Variants in PRELID2 observed in about 807,000 individuals in gnomAD.
PRELID2 encodes the protein PRELI domain containing 2, also known as PRELI domain-containing protein 2.
Under a neutral mutation model 28.4 loss-of-function variants are expected in PRELID2, and 25 were observed. The ratio of observed to expected loss-of-function variants is 0.88; its 90% CI spans 0.64 to 1.23. The LOEUF (loss-of-function observed/expected upper bound fraction) is 1.23. Among genes scored for constraint, PRELID2 ranks in the 50% most tolerant of loss-of-function variants. The pLI is 0.00. For missense variants in PRELID2, 201 were observed against 214.4 expected (o/e 0.94, Z 0.39); for synonymous variants, 76 against 71.6 (o/e 1.06, Z -0.31).
chr5:145,813,582 A>C (rs1581254584), intron 4 of PRELID2, among the ~76,000 whole-genome samples: 1 of 152,190 alleles, frequency 6.6e-6, no homozygotes, highest in East Asian at 1.9e-4. Flanking sequence ...GGAGTCTACA[A>C]TATCTGCATT....
At chr5:145,499,298 G>A (rs1218569603) in intron 1 of PRELID2, among the ~76,000 whole-genome samples, 1 of 152,256 alleles carries the variant, frequency 6.6e-6, no homozygotes, top group South Asian at 2.1e-4. Flanking sequence ...ATATCTGCAT[G>A]TTTATTTCTG....
At chr5:145,670,474 C>T (rs1205762433) in intron 1 of PRELID2, among the ~76,000 whole-genome samples, 1 of 152,164 alleles carries the variant, frequency 6.6e-6, no homozygotes, top group Non-Finnish European at 1.5e-5. Flanking sequence ...AACCATATCA[C>T]CCATGAAGGC....
chr5:145,699,150 T>C (rs1755350262), intron 1 of PRELID2, among the ~76,000 whole-genome samples: 1 of 152,160 alleles, frequency 6.6e-6, no homozygotes, highest in East Asian at 1.9e-4. Flanking sequence ...CTAAGAAAGA[T>C]AGTAACAGCG....
chr5:145,502,233 A>AAG (rs146035440), intron 1 of PRELID2, among the ~76,000 whole-genome samples: 1 of 151,006 alleles, frequency 6.6e-6, no homozygotes, highest in African/African-American at 2.4e-5. Flanking sequence ...GAGCAGGAGG[A>AAG]AGAGAGAGAG....
the PRELID2 span, among the ~76,000 whole-genome samples, chr5:145,466,061 G>A: frequency 6.6e-6 from 1 of 152,002 alleles, no homozygotes; most frequent in Non-Finnish European, 1.5e-5. Flanking sequence ...CTGCCTCAGA[G>A]ATTTTTCTTT....
chr5:145,478,211 G>T (rs1752121254), intron 1 of PRELID2, among the ~76,000 whole-genome samples: 3 of 152,056 alleles, frequency 2.0e-5, no homozygotes, highest in Admixed American at 2.0e-4. Flanking sequence ...ATAGAGCTGT[G>T]CTCACGTGAA....
At chr5:145,310,268 G>A in the PRELID2 span, among the ~76,000 whole-genome samples, 1 of 152,186 alleles carries the variant, frequency 6.6e-6, no homozygotes, top group Admixed American at 6.5e-5. Flanking sequence ...AGCTTCCTAT[G>A]TAGTTTGGAT....
At chr5:145,470,505 A>T (rs1449581158), downstream of PRELID2, among the ~76,000 whole-genome samples, 2 of 152,074 alleles carry the variant, frequency 1.3e-5, no homozygotes, top group African/African-American at 4.8e-5. Context: ...TGATGATGAG[A>T]TGGGTTATTA....
chr5:145,489,046 A>C (rs541228449), intron 1 of PRELID2, among the ~76,000 whole-genome samples: 37 of 152,252 alleles, frequency 2.4e-4, no homozygotes, highest in African/African-American at 8.7e-4. Context: ...AGGAAAAGAG[A>C]GTTCAAAAAA....
chr5:145,528,059 C>T (rs544975067), intron 1 of PRELID2, among the ~76,000 whole-genome samples: 12 of 152,224 alleles, frequency 7.9e-5, no homozygotes, highest in South Asian at 4.1e-4. Context: ...TCATTCAACA[C>T]GCTAACCCTT....
chr5:145,500,591 G>C (rs543825659), intron 1 of PRELID2, among the ~76,000 whole-genome samples: 111 of 152,288 alleles, frequency 7.3e-4, no homozygotes, highest in African/African-American at 2.6e-3. Context: ...GAACTATGGA[G>C]AGCTTTTGAC....
At chr5:145,467,504 G>T (rs1165557139), downstream of PRELID2, among the ~76,000 whole-genome samples, 1 of 152,084 alleles carries the variant, frequency 6.6e-6, no homozygotes, top group East Asian at 1.9e-4. Context: ...AAAATAAAAT[G>T]TAGGTCCATT....
the PRELID2 span, among the ~76,000 whole-genome samples, chr5:145,368,107 T>A: frequency 6.6e-6 from 1 of 151,990 alleles, no homozygotes; most frequent in East Asian, 1.9e-4. Flanking sequence ...TTTGTTTATA[T>A]ATTTATTGCC....
At chr5:145,258,446 G>A in the PRELID2 span, among the ~76,000 whole-genome samples, 376 of 152,244 alleles carry the variant, frequency 2.5e-3, 2 homozygotes, top group African/African-American at 8.8e-3. Flanking sequence ...GGTATCACAC[G>A]GAAATGAGAA....
chr5:145,307,939 CTGTT>C, the PRELID2 span, among the ~76,000 whole-genome samples: 3 of 152,192 alleles, frequency 2.0e-5, no homozygotes, highest in Non-Finnish European at 4.4e-5. Context: ...TTGGGCCTGT[CTGTT>C]TGACATACAG....
chr5:145,345,225 T>G, the PRELID2 span, among the ~76,000 whole-genome samples: 1,865 of 152,236 alleles, frequency 0.012, 54 homozygotes, highest in African/African-American at 0.042. Context: ...AAAATGTACT[T>G]ATTCCATTCT....
At chr5:145,713,004 C>A (rs1755737184) in intron 1 of PRELID2, among the ~76,000 whole-genome samples, 1 of 151,540 alleles carries the variant, frequency 6.6e-6, no homozygotes, top group Non-Finnish European at 1.5e-5. Context: ...AATTGAAATA[C>A]ATACAGAAAA....
the PRELID2 span, among the ~76,000 whole-genome samples, chr5:145,309,086 C>T: frequency 8.7e-5 from 11 of 126,400 alleles, no homozygotes; most frequent in South Asian, 2.0e-3. Flanking sequence ...ATCTTTTCCT[C>T]AGAGTGGTCA....
intron 1 of PRELID2, among the ~76,000 whole-genome samples, chr5:145,476,885 T>C (rs571786311): frequency 6.6e-6 from 1 of 152,134 alleles, no homozygotes; most frequent in Admixed American, 6.6e-5. Flanking sequence ...CAGAACACAG[T>C]GCCTGATAAA....
Sources: gnomAD v4.1 joint callset for allele counts (sites outside exome capture counted in the v4.1 genomes callset) on GRCh38, gnomAD v4.1.1 for gene constraint, MANE v1.5 for transcripts, NCBI Gene and HGNC (gene_info 2026-07-23, HGNC 2026-07-21) for gene names.